Variants in XPO1 observed in about 807,000 individuals in gnomAD.
The protein encoded by XPO1 is exportin 1.
In XPO1, 5 loss-of-function variants were observed where a neutral mutation model predicts 133.3. The ratio of observed to expected loss-of-function variants is 0.04; its 90% CI spans 0.02 to 0.08. The LOEUF (loss-of-function observed/expected upper bound fraction) is 0.08. Ranked by LOEUF, XPO1 falls within the 10% of genes least tolerant of loss-of-function variation. The pLI is 1.00. For synonymous variants in XPO1, 419 were observed against 408.2 expected (o/e 1.03, Z -0.32); for missense variants, 506 against 1,267.5 (o/e 0.40, Z 9.12).
rs1279352724 is a variant in XPO1 at position 61,509,194 on chromosome 2, A to ACT, written c.302-6885_302-6884insAG. ...TTTTTTTTTTTTTTTAGGTAAAGAC[A>ACT]AGGTTTCACTATGTTGGCCAGGCTG... On this transcript the variant is annotated intron_variant, in intron 4 of 24. Coordinates refer to ENST00000401558, the MANE Select transcript of XPO1 (RefSeq NM_003400.4). Among the ~76,000 whole-genome samples, 3 of 151,084 alleles carry ACT rather than the reference A, an allele frequency of 2.0e-5. No homozygotes were observed. The East Asian group carries it at 5.9e-4, about 30-fold the overall frequency.
chr2:61,495,384 G>GC (rs1553406423), intron 11 of XPO1, 71 bp downstream of exon 11: 13 of 1,297,108 alleles, frequency 1.0e-5, no homozygotes, highest in Middle Eastern at 2.4e-4. Flanking sequence ...ATACATTTTA[G>GC]AAAAAGGCAC....
At chr2:61,489,207 A>T (rs1246029030) in intron 17 of XPO1, among the ~76,000 whole-genome samples, 1 of 152,070 alleles carries the variant, frequency 6.6e-6, no homozygotes, top group South Asian at 2.1e-4. Flanking sequence ...TGAGGTCGGG[A>T]GTTCAAGACC....
rs61072503 is a variant in XPO1 at position 61,491,459 on chromosome 2, AACACACACACACACACACAC to A, written c.1887+556_1887+575del. ...GAGTGAAACTCCATCTCAAAAAACAAACACACACACACACACACACACACACACACACACACACCCCAAAA... is the reference window on the plus strand; with the variant it reads ...GAGTGAAACTCCATCTCAAAAAACAAACACACACACACACACACCCCAAAA... On this transcript the variant is annotated intron_variant, in intron 16 of 24. Coordinates refer to ENST00000401558, the MANE Select transcript of XPO1 (RefSeq NM_003400.4). 1.0e-3 allele frequency among the ~76,000 whole-genome samples: 144 copies of A among 143,010 alleles called. 2 individuals carry two copies. In the East Asian group the frequency reaches 0.023, roughly 23 times the overall value. 93.8% of individuals were successfully genotyped at this position (143,010 alleles called of 152,430 possible).
At chr2:61,485,983 A>C in intron 19 of XPO1, 21 bp from the exon 20 acceptor site, 1 of 1,588,646 alleles carries the variant, frequency 6.3e-7, no homozygotes. Flanking sequence ...GGGAAAAAAA[A>C]GTTATGTTTT....
chr2:61,496,031 G>C (rs542529631), intron 10 of XPO1, among the ~76,000 whole-genome samples: 1 of 152,004 alleles, frequency 6.6e-6, no homozygotes, highest in Non-Finnish European at 1.5e-5. Flanking sequence ...ACCACATACA[G>C]AACTCCTAGG....
At chr2:61,508,501 G>T (rs188592462) in intron 4 of XPO1, among the ~76,000 whole-genome samples, 4 of 152,126 alleles carry the variant, frequency 2.6e-5, no homozygotes, top group African/African-American at 9.7e-5. Flanking sequence ...CAACTGCATA[G>T]TATCAACTTC....
chr2:61,483,100 C>T lies in XPO1; in HGVS notation c.2678-9G>A. On this transcript the variant is annotated splice_polypyrimidine_tract_variant and intron_variant, in intron 21 of 24. Coordinates refer to ENST00000401558, the MANE Select transcript of XPO1 (RefSeq NM_003400.4). The stretch of plus-strand genomic sequence containing the variant: ...AAAAAGTATCTGTAAGCCTAAAAGA[C>T]ATAGAATACCAATGGAAAGTTACTA... 2 of 1,603,982 alleles carry T rather than the reference C, an allele frequency of 1.2e-6. No individual in the cohort carries two copies. The highest frequency in any genetic ancestry group is 1.7e-6 in the Non-Finnish European group (2 of 1,175,394).
chr2:61,502,293 C>T lies in XPO1; in HGVS notation c.319G>A (p.Val107Ile). The T allele has an allele frequency of 6.2e-7, 1 of 1,613,276 alleles. No individual in the cohort carries two copies. The highest frequency in any genetic ancestry group is 8.5e-7 in the Non-Finnish European group (1 of 1,179,862). Reference protein sequence around the residue: ...NQCEGIKKYVVGLIIKTSSDP... With the variant: ...NQCEGIKKYVIGLIIKTSSDP... ...GATGACGTCTTGATAATGAGGCCAA[C>T]AACGTATTTTTTTATTCCTATTAAA... Residue 107 changes from valine (V) to isoleucine (I), a missense_variant, in exon 5 of 25, where the codon GTT (valine) becomes ATT (isoleucine). Physicochemically the swap from Val to Ile is conservative, Grantham distance 29. Transcript: ENST00000401558.
chr2:61,490,527 T>C (rs1696929924), intron 17 of XPO1, 115 bp downstream of exon 17: 3 of 1,423,724 alleles, frequency 2.1e-6, no homozygotes, highest in South Asian at 1.2e-5. Flanking sequence ...AAGACACACA[T>C]AAAAGCACTT....
At chr2:61,526,776 C>G (rs1187515852) in intron 2 of XPO1, among the ~76,000 whole-genome samples, 1 of 150,436 alleles carries the variant, frequency 6.6e-6, no homozygotes, top group Non-Finnish European at 1.5e-5. Context: ...GGTGCGATCT[C>G]AGCACCCTGC....
intron 22 of XPO1, 26 bp from the exon 23 acceptor site, chr2:61,482,565 C>T: frequency 6.5e-7 from 1 of 1,536,916 alleles, no homozygotes; most frequent in Non-Finnish European, 8.8e-7. Flanking sequence ...AAATTATTAA[C>T]TCCAAAATGT....
At chr2:61,529,185 T>C (rs1013918255) in intron 2 of XPO1, among the ~76,000 whole-genome samples, 7 of 152,158 alleles carry the variant, frequency 4.6e-5, no homozygotes, top group South Asian at 2.1e-4. Context: ...AGAAAAAAGT[T>C]TGATGACTTT....
chr2:61,509,705 T>C (rs1573175891), intron 4 of XPO1, among the ~76,000 whole-genome samples: 1 of 152,116 alleles, frequency 6.6e-6, no homozygotes, highest in Non-Finnish European at 1.5e-5. Context: ...ATAATGCAAA[T>C]ATTCCAAAAT....
intron 12 of XPO1, 107 bp downstream of exon 12, chr2:61,493,787 G>A (rs1286262293): frequency 1.6e-6 from 2 of 1,229,888 alleles, no homozygotes; most frequent in Non-Finnish European, 2.3e-6. Flanking sequence ...AAGTTGTTGG[G>A]TTCTCTTTTT....
chr2:61,511,915 C>T (rs1238792603), intron 4 of XPO1, among the ~76,000 whole-genome samples: 3 of 152,002 alleles, frequency 2.0e-5, no homozygotes, highest in African/African-American at 4.8e-5. Flanking sequence ...TACAGGCACA[C>T]GCCACCATGC....
intron 2 of XPO1, 80 bp downstream of exon 2, chr2:61,533,692 G>A: frequency 3.8e-6 from 5 of 1,325,310 alleles, no homozygotes; most frequent in Non-Finnish European, 4.9e-6. Context: ...TTTTAAAGGT[G>A]ATAATTTAAA....
chr2:61,485,426 T>G (rs1696631761), intron 20 of XPO1: 1 of 172,796 alleles, frequency 5.8e-6, no homozygotes, highest in African/African-American at 2.4e-5. Flanking sequence ...TGGAGTGCAG[T>G]GGCGCAATCT....
intron 2 of XPO1, among the ~76,000 whole-genome samples, chr2:61,526,819 C>A (rs939323124): frequency 6.6e-6 from 1 of 151,674 alleles, no homozygotes; most frequent in African/African-American, 2.4e-5. Flanking sequence ...GCGATTCTCC[C>A]GCCTCAGCCT....
chr2:61,478,694 T>G lies in XPO1; in HGVS notation c.*126A>C. 1.1e-6 allele frequency: 1 copy of G among 929,710 alleles called. No individual in the cohort carries two copies. The highest frequency in any genetic ancestry group is 1.5e-6 in the Non-Finnish European group (1 of 659,454). 57.6% of individuals were successfully genotyped at this position (929,710 alleles called of 1,614,324 possible). ...AAAATTTCTTATACAAAAAAACACA[T>G]AAGAAAAAGGGCCACTAGGTGACAT... On this transcript the variant is annotated 3_prime_UTR_variant, in exon 25 of 25. Coordinates refer to ENST00000401558, the MANE Select transcript of XPO1 (RefSeq NM_003400.4).
Sources: allele counts gnomAD v4.1 joint callset (sites outside exome capture counted in the v4.1 genomes callset), GRCh38; gene constraint gnomAD v4.1.1; transcripts MANE v1.5; gene names NCBI Gene and HGNC (gene_info 2026-07-23, HGNC 2026-07-21).